Variants in PLA2G4C observed in about 807,000 individuals in gnomAD.
PLA2G4C encodes cytosolic phospholipase A2 gamma.
In PLA2G4C, 64 loss-of-function variants were observed where a neutral mutation model predicts 73.8. That is an observed-to-expected ratio of 0.87 (90% CI 0.71 to 1.07). PLA2G4C has a LOEUF of 1.07. PLA2G4C is among the 50% of genes least tolerant of loss of function. The pLI is 0.00. For missense variants in PLA2G4C, 622 were observed against 665.4 expected, an observed-to-expected ratio of 0.93 and a Z score of 0.72; for synonymous variants, 254 against 252.1, an observed-to-expected ratio of 1.01 and a Z score of -0.07.
chr19:48,070,602 A>T (rs539260171), intron 12 of PLA2G4C, among the ~76,000 whole-genome samples: 2 of 152,346 alleles, frequency 1.3e-5, no homozygotes, highest in Admixed American at 1.3e-4. Flanking sequence ...AGGGACAGGG[A>T]TGGAGCTGGA....
At chr19:48,101,128 T>TATATATA (rs1568453324) in intron 4 of PLA2G4C, among the ~76,000 whole-genome samples, 9 of 31,864 alleles carry the variant, frequency 2.8e-4, no homozygotes, top group African/African-American at 9.2e-4. Flanking sequence ...ATATATATAT[T>TATATATA]TTTTTTTTTT....
intron 12 of PLA2G4C, among the ~76,000 whole-genome samples, chr19:48,068,334 G>T (rs1401124330): frequency 2.0e-5 from 3 of 149,698 alleles, no homozygotes; most frequent in Non-Finnish European, 4.4e-5. Flanking sequence ...AAGTGGGGGG[G>T]TCATTCAGGA....
rs546751896 is a variant in PLA2G4C, at chr19:48,095,576, G to A, written c.597C>T (p.His199=). The A allele has an allele frequency of 2.8e-5, 45 of 1,614,060 alleles. No individual in the cohort carries two copies. Among genetic ancestry groups the A allele is most frequent in the South Asian group, 7.7e-5 (7 of 91,080 alleles). The part of the protein sequence containing the change: ...PETWFEFTPH[H]AGFSALGAFV... ...AGGCCCCCAGTGCAGAGAAGCCAGC[G>A]TGGTGAGGGGTGAACTCGAACCAGG... is the stretch of plus-strand genomic sequence containing the variant. Residue 199 remains histidine, a synonymous_variant, in exon 7 of 17, where the codon CAC becomes CAT. Transcript: ENST00000599921.
intron 14 of PLA2G4C, among the ~76,000 whole-genome samples, chr19:48,056,877 AG>A (rs1332240813): frequency 9.9e-5 from 15 of 150,756 alleles, no homozygotes; most frequent in African/African-American, 3.6e-4. Flanking sequence ...ATGTGTTTCC[AG>A]GAACAGAAAA....
chr19:48,067,145 G>A (rs1968459416), intron 13 of PLA2G4C, among the ~76,000 whole-genome samples: 1 of 150,876 alleles, frequency 6.6e-6, no homozygotes, highest in African/African-American at 2.4e-5. Context: ...TCAGTCCCCT[G>A]AAGGGAAAAC....
Position 48,105,940 on chromosome 19 carries a change from TC to T in PLA2G4C, c.9-497del, listed in dbSNP as rs2032200567. Among the ~76,000 whole-genome samples, 7 of 32,272 alleles carry T rather than the reference TC, an allele frequency of 2.2e-4. 2 individuals carry two copies. The highest frequency in any genetic ancestry group is 4.4e-4 in the African/African-American group (2 of 4,532). 21.2% of individuals were successfully genotyped at this position (32,272 alleles called of 152,430 possible). On this transcript the variant is annotated intron_variant, in intron 2 of 16. Transcript: ENST00000599921. The stretch of plus-strand genomic sequence containing the variant: ...CTCCCTCCCTCCCTCCCTCCCTCCC[TC>T]CCTCCCTTCTTTCTTTCTTTCTTTC...
intron 10 of PLA2G4C, among the ~76,000 whole-genome samples, chr19:48,081,432 G>A (rs1187987104): frequency 6.6e-6 from 1 of 152,042 alleles, no homozygotes; most frequent in African/African-American, 2.4e-5. Context: ...CAGAGATTCA[G>A]AAAGAGGAGG....
intron 5 of PLA2G4C, among the ~76,000 whole-genome samples, chr19:48,099,226 G>A (rs2386969): frequency 0.39 from 58,921 of 150,920 alleles, 12,053 homozygotes; most frequent in African/African-American, 0.51. Context: ...CCATGATCTC[G>A]CCACTGCACT....
intron 16 of PLA2G4C, among the ~76,000 whole-genome samples, chr19:48,048,607 A>G (rs2122399461): frequency 6.6e-6 from 1 of 152,294 alleles, no homozygotes; most frequent in Non-Finnish European, 1.5e-5. Flanking sequence ...TATTTATCCA[A>G]CACTACGCTT....
chr19:48,098,713 T>TAAAAAAAAAAAAAAAAA (rs548688675), intron 5 of PLA2G4C, among the ~76,000 whole-genome samples: 5 of 30,906 alleles, frequency 1.6e-4, no homozygotes, highest in Non-Finnish European at 1.8e-4. Flanking sequence ...ACCCTATCTC[T>TAAAAAAAAAAAAAAAAA]AAAAAAAAAA....
At chr19:48,060,359 C>G (rs1366443) in intron 14 of PLA2G4C, among the ~76,000 whole-genome samples, 129,841 of 152,160 alleles carry the variant, frequency 0.85, 55,596 homozygotes, top group African/African-American at 0.93. Context: ...CATTTCAAGT[C>G]CTCAAGTGCC....
intron 10 of PLA2G4C, among the ~76,000 whole-genome samples, chr19:48,081,356 T>C (rs571593036): frequency 2.0e-5 from 3 of 152,320 alleles, no homozygotes; most frequent in South Asian, 4.1e-4. Context: ...AAACCATATG[T>C]TCTCACTTAT....
chr19:48,058,314 T>A (rs1185706915), intron 14 of PLA2G4C, among the ~76,000 whole-genome samples: 4 of 150,360 alleles, frequency 2.7e-5, no homozygotes, highest in Admixed American at 6.6e-5. Context: ...AAAAAAAAAA[T>A]TTGTGTGGAG....
chr19:48,094,407 T>C (rs2031466154), intron 7 of PLA2G4C, among the ~76,000 whole-genome samples: 1 of 152,210 alleles, frequency 6.6e-6, no homozygotes, highest in Non-Finnish European at 1.5e-5. Flanking sequence ...GCATTTAAAA[T>C]AGTATCAGGC....
In PLA2G4C at chr19:48,090,276, C is replaced by G. The variant is rs757288490; in HGVS notation, c.763+88G>C. 3.2e-6 allele frequency: 3 copies of G among 945,384 alleles called. No individual in the cohort carries two copies. In the East Asian group the frequency reaches 7.2e-5, roughly 23 times the overall value. 58.6% of individuals were successfully genotyped at this position (945,384 alleles called of 1,614,324 possible). A position where few individuals can be genotyped will look rare whatever the true frequency, so the allele number is the denominator to read the frequency against. ...TGCTAGAACAATTACACACAGGTCT[C>G]TCTTCTGCCATGAGTAGGAAAAGTA... On this transcript the variant is annotated intron_variant, in intron 8 of 16. Coordinates refer to ENST00000599921, the MANE Select transcript of PLA2G4C (RefSeq NM_003706.3).
At position 48,054,918 on chromosome 19, in the gene PLA2G4C, C is replaced by T. The variant is rs757667525; in HGVS notation, c.1389G>A (p.Val463=). The part of the protein sequence containing the change: ...CYILKGETGP[V]VMHFPLFNID... ...TGTTGAACAGGGGAAAATGCATCAC[C>T]ACTGGTCCAGTTTCTCCTTTCAGGA... The change falls in exon 15 of 17, where the codon GTG becomes GTA. Residue 463 remains valine, a synonymous_variant. Coordinates refer to ENST00000599921, the MANE Select transcript of PLA2G4C (RefSeq NM_003706.3). The T allele has an allele frequency of 1.2e-6, 2 of 1,613,962 alleles. No individual in the cohort carries two copies. Among genetic ancestry groups the T allele is most frequent in the African/African-American group, 1.3e-5 (1 of 74,874 alleles).
At position 48,099,675 on chromosome 19, in the gene PLA2G4C, C is replaced by T. The variant is rs2031792570; in HGVS notation, c.443G>A (p.Arg148Lys). 2 of 1,612,338 alleles carry T rather than the reference C, an allele frequency of 1.2e-6. No homozygotes were observed. Among genetic ancestry groups the T allele is most frequent in the South Asian group, 2.2e-5 (2 of 90,832 alleles). The change falls in exon 5 of 17, where the codon AGA becomes AAA. Residue 148 changes from arginine to lysine, a missense_variant. Transcript: ENST00000599921. ...WAYMVISKQT[R>K]ELPESHLSNM... ...CCCCAGCTGGGAATGACTTACTTCT[C>T]TGGTTTGCTTAGAGATAACCATGTA...
Position 48,054,638 on chromosome 19 carries a change from T to G in PLA2G4C, c.1429+240A>C, listed in dbSNP as rs11564645. ...CTGATCTGATGATTTTATAAGCATC[T>G]GGCAATTGCCCTGCTGGCACTCACT... On this transcript the variant is annotated intron_variant, in intron 15 of 16. Coordinates refer to ENST00000599921, the MANE Select transcript of PLA2G4C (RefSeq NM_003706.3). Among the ~76,000 whole-genome samples, 15 of 152,206 alleles carry G rather than the reference T, an allele frequency of 9.9e-5. No individual in the cohort carries two copies. In the South Asian group the frequency reaches 2.9e-3, roughly 29 times the overall value.
chr19:48,068,613 A>G (rs903290009), intron 12 of PLA2G4C, among the ~76,000 whole-genome samples: 1 of 151,742 alleles, frequency 6.6e-6, no homozygotes, highest in African/African-American at 2.4e-5. Context: ...GATCACTTGA[A>G]CCCAGTAGTT....
Sources: allele counts gnomAD v4.1 joint callset (sites outside exome capture counted in the v4.1 genomes callset), GRCh38; gene constraint gnomAD v4.1.1; transcripts MANE v1.5; gene names NCBI Gene and HGNC (gene_info 2026-07-23, HGNC 2026-07-21).